Variants in TBC1D20 observed in about 807,000 individuals in gnomAD.
TBC1D20 encodes chromosome 20 open reading frame 140.
In TBC1D20, 12 loss-of-function variants were observed where a neutral mutation model predicts 41.6. The observed-to-expected ratio is 0.29, with a 90% CI of 0.18 to 0.47. TBC1D20 has a LOEUF of 0.47. Among genes scored for constraint, TBC1D20 ranks in the 20% least tolerant of loss-of-function variants. The pLI, the probability that TBC1D20 is intolerant of heterozygous loss-of-function variation, is 1.00. For missense variants in TBC1D20, 421 were observed against 517.4 expected (o/e 0.81, Z 1.81); for synonymous variants, 205 against 204.8 (o/e 1.00, Z -0.01).
In TBC1D20 at chr20:440,353, G is replaced by C; in HGVS notation, c.663C>G (p.Leu221=). ...ACAGGACATGCCCAAACCAGGTGAT[G>C]AGCCAGCTGAGGGCAAAGATGGTCC... is the stretch of plus-strand genomic sequence containing the variant. The part of the protein sequence containing the change: ...EVGTIFALSW[L]ITWFGHVLSD... The change falls in exon 6 of 8, where the codon CTC becomes CTG. Residue 221 remains leucine (L), a synonymous_variant. Coordinates refer to ENST00000354200, the MANE Select transcript of TBC1D20 (RefSeq NM_144628.4). The C allele has an allele frequency of 6.2e-7, 1 of 1,614,170 alleles. No individual in the cohort carries two copies. The highest frequency in any genetic ancestry group is 8.5e-7 in the Non-Finnish European group (1 of 1,180,030).
At chr20:447,684 A>G (rs2017362142) in intron 2 of TBC1D20, among the ~76,000 whole-genome samples, 1 of 152,136 alleles carries the variant, frequency 6.6e-6, no homozygotes, top group South Asian at 2.1e-4. Context: ...AAAACAAGTA[A>G]AAAAAGAACT....
intron 2 of TBC1D20, among the ~76,000 whole-genome samples, chr20:446,525 G>A (rs2017335317): frequency 6.6e-6 from 1 of 152,018 alleles, no homozygotes; most frequent in Admixed American, 6.6e-5. Flanking sequence ...ATTTTTAGTA[G>A]AGATGGGGTT....
At position 462,346 on chromosome 20, in the gene TBC1D20, C is replaced by T. The variant is rs949036072; in HGVS notation, c.60G>A (p.Ala20=). ...GGTCGGCTTCCGTACCTGCCTTCTC[C>T]GCGCCGCCGTCCCAGTGGCCGGAGG... is the stretch of plus-strand genomic sequence containing the variant. ...GPTSGHWDGG[A]EKADFNAKRK... The change falls in exon 1 of 8, where the codon GCG becomes GCA. Residue 20 remains alanine (A), a synonymous_variant. Transcript: ENST00000354200. 2 of 1,306,484 alleles carry T rather than the reference C, an allele frequency of 1.5e-6. No individual in the cohort carries two copies. Among genetic ancestry groups the T allele is most frequent in the Non-Finnish European group, 2.0e-6 (2 of 1,017,966 alleles). 80.9% of individuals were successfully genotyped at this position (1,306,484 alleles called of 1,614,324 possible).
At chr20:461,414 G>C (rs60906477) in intron 1 of TBC1D20, among the ~76,000 whole-genome samples, 136 of 152,304 alleles carry the variant, frequency 8.9e-4, no homozygotes, top group African/African-American at 3.0e-3. Flanking sequence ...ACCCAGGCCG[G>C]AGTGCAGTGG....
At chr20:441,783 A>G in intron 4 of TBC1D20, 74 bp downstream of exon 4, 1 of 1,594,752 alleles carries the variant, frequency 6.3e-7, no homozygotes, top group Admixed American at 1.7e-5. Context: ...GCTGACCAGA[A>G]AACAGGCCAG....
rs2017305231 is a variant in TBC1D20, at chr20:445,049, C to A, written c.337+1G>T. On this transcript the variant is annotated splice_donor_variant, in intron 3 of 7. Transcript: ENST00000354200. LOFTEE classifies it high-confidence loss of function. ...GTGGCAGGACCGGGAGAGCTTCTCA[C>A]CAGGAGGGAACCGCCGCAATGACCG... 3 of 1,599,362 alleles carry A rather than the reference C, an allele frequency of 1.9e-6. No individual in the cohort carries two copies. Among genetic ancestry groups the A allele is most frequent in the Non-Finnish European group, 1.7e-6 (2 of 1,170,800 alleles).
At chr20:460,136 C>T (rs576110620) in intron 1 of TBC1D20, among the ~76,000 whole-genome samples, 1 of 152,082 alleles carries the variant, frequency 6.6e-6, no homozygotes, top group African/African-American at 2.4e-5. Flanking sequence ...CCTGCATTAT[C>T]ATAAAGGCTT....
intron 3 of TBC1D20, among the ~76,000 whole-genome samples, chr20:442,795 G>A (rs1417025284): frequency 6.6e-6 from 1 of 152,120 alleles, no homozygotes; most frequent in African/African-American, 2.4e-5. Context: ...AAGACAGAAA[G>A]CAGCTAAAAA....
intron 1 of TBC1D20, among the ~76,000 whole-genome samples, chr20:457,093 T>C (rs67627358): frequency 1.1e-4 from 17 of 151,566 alleles, no homozygotes; most frequent in East Asian, 2.0e-4. Context: ...TGCACCACCA[T>C]GCCTGGCTAA....
intron 1 of TBC1D20, among the ~76,000 whole-genome samples, chr20:453,168 A>C (rs2017476893): frequency 3.1e-5 from 4 of 129,816 alleles, no homozygotes; most frequent in Non-Finnish European, 3.3e-5. Context: ...AAAAAAAAAA[A>C]AAAAAAAAAA....
intron 1 of TBC1D20, among the ~76,000 whole-genome samples, chr20:457,338 G>A (rs944272459): frequency 6.6e-6 from 1 of 152,044 alleles, no homozygotes; most frequent in Middle Eastern, 3.2e-3. Flanking sequence ...TCAACCTCTA[G>A]GGCTCAAGCG....
At chr20:456,702 T>C (rs2017546215) in intron 1 of TBC1D20, among the ~76,000 whole-genome samples, 1 of 151,850 alleles carries the variant, frequency 6.6e-6, no homozygotes, top group Non-Finnish European at 1.5e-5. Context: ...GTAGCTGGGA[T>C]TACAGGCATT....
chr20:438,017 C>G lies in TBC1D20; in HGVS notation c.*569G>C, dbSNP rs1471109812. 1 of 152,774 alleles carries G rather than the reference C, an allele frequency of 6.5e-6. No homozygotes were observed. Among genetic ancestry groups the G allele is most frequent in the Non-Finnish European group, 1.5e-5 (1 of 68,282 alleles). 9.5% of individuals were successfully genotyped at this position (152,774 alleles called of 1,614,324 possible). A position where few individuals can be genotyped will look rare whatever the true frequency, so the allele number is the denominator to read the frequency against. On this transcript the variant is annotated 3_prime_UTR_variant, in exon 8 of 8. Coordinates refer to ENST00000354200, the MANE Select transcript of TBC1D20 (RefSeq NM_144628.4). Reference sequence around the variant, plus strand: ...TAGGCTGAAAATAGGTAGGATTTAACGAGTAACCTAGTTCCCTTCTGTCTC... The same window carrying G: ...TAGGCTGAAAATAGGTAGGATTTAAGGAGTAACCTAGTTCCCTTCTGTCTC...
chr20:441,939 C>T lies in TBC1D20; in HGVS notation c.442G>A (p.Asp148Asn). The T allele has an allele frequency of 6.2e-7, 1 of 1,614,096 alleles. No homozygotes were observed. Among genetic ancestry groups the T allele is most frequent in the Non-Finnish European group, 8.5e-7 (1 of 1,180,014 alleles). ...ACCAGCAGAAATGTGACCACAATGTCATGGTAGCCCTGGTAGTAGTGCAGC... is the reference window on the plus strand; with the variant it reads ...ACCAGCAGAAATGTGACCACAATGTTATGGTAGCCCTGGTAGTAGTGCAGC... ...PQLHYYQGYH[D>N]IVVTFLLVVG... is the part of the protein sequence containing the mutation. The change falls in exon 4 of 8, where the codon GAC (aspartate) becomes AAC (asparagine). Residue 148 changes from aspartate (D) to asparagine (N), a missense_variant. Physicochemically the swap from Asp to Asn is conservative, Grantham distance 23 (BLOSUM62 1). Around this residue, in one of 3 missense-constraint regions of TBC1D20, gnomAD observed 110 missense variants for 183.5 expected, o/e 0.60. Coordinates refer to ENST00000354200, the MANE Select transcript of TBC1D20 (RefSeq NM_144628.4).
chr20:441,328 C>CT (rs2017225612), intron 5 of TBC1D20: 1 of 420,706 alleles, frequency 2.4e-6, no homozygotes, highest in African/African-American at 2.0e-5. Flanking sequence ...AACATCTTAC[C>CT]TTGGCATACA....
chr20:442,678 A>AT (rs1382665143), intron 3 of TBC1D20, among the ~76,000 whole-genome samples: 4 of 152,352 alleles, frequency 2.6e-5, no homozygotes, highest in Admixed American at 2.0e-4. Context: ...AGAGCCTTAT[A>AT]TTTAGGAAAT....
In TBC1D20 at chr20:437,429, G is replaced by T. The variant is rs2017141210; in HGVS notation, c.*1157C>A. The T allele has an allele frequency of 6.6e-6, 1 of 152,556 alleles. No homozygotes were observed. The highest frequency in any genetic ancestry group is 1.5e-5 in the Non-Finnish European group (1 of 68,036). 9.5% of individuals were successfully genotyped at this position (152,556 alleles called of 1,614,324 possible). A position where few individuals can be genotyped will look rare whatever the true frequency, so the allele number is the denominator to read the frequency against. On this transcript the variant is annotated 3_prime_UTR_variant, in exon 8 of 8. Coordinates refer to ENST00000354200, the MANE Select transcript of TBC1D20 (RefSeq NM_144628.4). ...CCAGAGTGAATCTAAAACAAACCTG[G>T]CTTTGCTTACAGGGAAGCTGTCCCA...
intron 1 of TBC1D20, among the ~76,000 whole-genome samples, chr20:448,614 G>T (rs1651436466): frequency 6.6e-6 from 1 of 151,198 alleles, no homozygotes; most frequent in Admixed American, 6.6e-5. Flanking sequence ...ACTTAAACCT[G>T]GGAGGCGGAG....
At chr20:457,024 C>T (rs2078470030) in intron 1 of TBC1D20, among the ~76,000 whole-genome samples, 1 of 150,408 alleles carries the variant, frequency 6.6e-6, no homozygotes, top group Non-Finnish European at 1.5e-5. Context: ...GCAACCTCCA[C>T]CTCCCAGGTT....
Sources: allele counts gnomAD v4.1 joint callset (sites outside exome capture counted in the v4.1 genomes callset), GRCh38; gene constraint gnomAD v4.1.1; regional missense constraint gnomAD v4.1.1; transcripts MANE v1.5; gene names NCBI Gene and HGNC (gene_info 2026-07-23, HGNC 2026-07-21).